Variants in TNS3 observed in about 807,000 individuals in gnomAD.
TNS3 encodes the protein tensin 3, also known as tensin-3.
TNS3 carries 45 observed loss-of-function variants against 140.9 expected under a neutral mutation model. The observed-to-expected ratio is 0.32, with a 90% CI of 0.25 to 0.41. TNS3 has a LOEUF of 0.41. Ranked by LOEUF, TNS3 falls within the 10% of genes least tolerant of loss-of-function variation. The probability of loss-of-function intolerance (pLI) is 1.00; values close to 1 mark genes in which losing one functional copy is unlikely to be tolerated. For synonymous variants in TNS3, 815 were observed against 788.4 expected (o/e 1.03, Z -0.56); for missense variants, 1,716 against 1,906.7 (o/e 0.90, Z 1.86).
chr7:47,358,172 C>G (rs759750243), intron 17 of TNS3, among the ~76,000 whole-genome samples: 5 of 151,968 alleles, frequency 3.3e-5, no homozygotes, highest in Admixed American at 6.6e-5. Flanking sequence ...GAGTCTCACT[C>G]TGTTGCCTAG....
chr7:47,351,802 G>T (rs970662289), intron 17 of TNS3, among the ~76,000 whole-genome samples: 1 of 152,158 alleles, frequency 6.6e-6, no homozygotes, highest in Admixed American at 6.5e-5. Context: ...GTTACAAAAC[G>T]GGCTCCTGTC....
chr7:47,336,309 C>CT (rs1788630888), intron 20 of TNS3, among the ~76,000 whole-genome samples: 1 of 152,100 alleles, frequency 6.6e-6, no homozygotes, highest in African/African-American at 2.4e-5. Context: ...CAATCCCGCC[C>CT]TGGCAGATCC....
chr7:47,574,649 C>A (rs55760701), intron 1 of TNS3, among the ~76,000 whole-genome samples: 45,588 of 134,436 alleles, frequency 0.34, 7,562 homozygotes, highest in East Asian at 0.57. Context: ...ACACACACAC[C>A]CCCACACACA....
intron 20 of TNS3, among the ~76,000 whole-genome samples, chr7:47,311,017 C>CT (rs11456524): frequency 0.4 from 60,422 of 151,652 alleles, 12,053 homozygotes; most frequent in South Asian, 0.47. Flanking sequence ...GTGAATAGTT[C>CT]GCAATAAGCA....
chr7:47,537,999 A>T (rs1299767311), intron 1 of TNS3, among the ~76,000 whole-genome samples: 1 of 111,894 alleles, frequency 8.9e-6, no homozygotes, highest in Non-Finnish European at 1.7e-5. Flanking sequence ...TGCTCCTGGC[A>T]AATCAGGACA....
intron 4 of TNS3, among the ~76,000 whole-genome samples, chr7:47,478,903 G>C (rs1167028361): frequency 6.6e-6 from 1 of 150,416 alleles, no homozygotes; most frequent in African/African-American, 2.4e-5. Flanking sequence ...TAACATACAT[G>C]TATGTATTTG....
chr7:47,502,786 T>C (rs1798274804), intron 3 of TNS3, among the ~76,000 whole-genome samples: 1 of 152,238 alleles, frequency 6.6e-6, no homozygotes, highest in African/African-American at 2.4e-5. Context: ...GCCAAGAGGC[T>C]GGACAGAGCC....
intron 20 of TNS3, among the ~76,000 whole-genome samples, chr7:47,311,016 T>G (rs58252305): frequency 0.4 from 60,663 of 151,744 alleles, 12,149 homozygotes; most frequent in South Asian, 0.47. Context: ...TGTGAATAGT[T>G]CGCAATAAGC....
intron 4 of TNS3, among the ~76,000 whole-genome samples, chr7:47,446,043 A>G (rs1795711607): frequency 7.4e-6 from 1 of 134,878 alleles, no homozygotes; most frequent in South Asian, 2.4e-4. Flanking sequence ...AGGTTTAAAA[A>G]ACTCTCTCTA....
chr7:47,577,904 G>C (rs528046963), intron 1 of TNS3, among the ~76,000 whole-genome samples: 6 of 152,204 alleles, frequency 3.9e-5, no homozygotes, highest in African/African-American at 1.4e-4. Context: ...AGCTCTGGGA[G>C]CACCTCCCTC....
intron 4 of TNS3, among the ~76,000 whole-genome samples, chr7:47,475,679 A>T (rs1353062731): frequency 2.0e-5 from 3 of 152,342 alleles, no homozygotes; most frequent in Non-Finnish European, 2.9e-5. Context: ...GCTGGTATGA[A>T]TCAATCGCTT....
intron 21 of TNS3, 118 bp from the exon 22 acceptor site, chr7:47,303,702 A>C: frequency 8.1e-7 from 1 of 1,234,478 alleles, no homozygotes; most frequent in East Asian, 2.6e-5. Flanking sequence ...GAGGCCCTCC[A>C]GGCAGCACAG....
At chr7:47,504,351 A>C (rs560612832) in intron 3 of TNS3, among the ~76,000 whole-genome samples, 1 of 152,258 alleles carries the variant, frequency 6.6e-6, no homozygotes, top group South Asian at 2.1e-4. Context: ...GGATGGGAGG[A>C]GCCTGTGACA....
intron 17 of TNS3, among the ~76,000 whole-genome samples, chr7:47,353,246 A>G (rs1789789927): frequency 6.6e-6 from 1 of 152,118 alleles, no homozygotes; most frequent in Non-Finnish European, 1.5e-5. Flanking sequence ...AAGCTGAGAC[A>G]CCCTGCGGGT....
intron 2 of TNS3, among the ~76,000 whole-genome samples, chr7:47,527,693 A>G (rs1479463261): frequency 3.3e-5 from 5 of 152,306 alleles, no homozygotes; most frequent in Non-Finnish European, 7.4e-5. Context: ...CAGGAGAATC[A>G]CTTGAGGCCA....
intron 12 of TNS3, among the ~76,000 whole-genome samples, chr7:47,413,687 G>A (rs1181306108): frequency 3.9e-5 from 6 of 151,930 alleles, no homozygotes; most frequent in Non-Finnish European, 7.4e-5. Context: ...CAGCCCCCAC[G>A]TCCTTTAATG....
intron 20 of TNS3, among the ~76,000 whole-genome samples, chr7:47,311,658 G>A (rs1167925626): frequency 6.6e-6 from 1 of 152,072 alleles, no homozygotes; most frequent in Non-Finnish European, 1.5e-5. Context: ...ACAAAAGACA[G>A]TAAGACATGA....
intron 1 of TNS3, among the ~76,000 whole-genome samples, chr7:47,535,878 C>T (rs918546307): frequency 2.6e-5 from 4 of 152,256 alleles, no homozygotes; most frequent in Non-Finnish European, 4.4e-5. Flanking sequence ...TGCATCAGCA[C>T]AATCCCAGCT....
intron 2 of TNS3, among the ~76,000 whole-genome samples, chr7:47,509,545 T>C (rs1426561737): frequency 1.3e-5 from 2 of 152,166 alleles, no homozygotes; most frequent in Non-Finnish European, 2.9e-5. Flanking sequence ...GGGGCAGCCA[T>C]GGTCCATGAA....
Sources: gnomAD v4.1 joint callset for allele counts (sites outside exome capture counted in the v4.1 genomes callset) on GRCh38, gnomAD v4.1.1 for gene constraint, MANE v1.5 for transcripts, NCBI Gene and HGNC (gene_info 2026-07-23, HGNC 2026-07-21) for gene names.